MYH11: variants seen among roughly 807,000 people sequenced by gnomAD.
The protein encoded by MYH11 is myosin heavy chain 11.
A neutral mutation model predicts 246.6 loss-of-function variants in MYH11; 80 were observed. The observed-to-expected ratio is 0.32, with a 90% CI of 0.27 to 0.39. The LOEUF (loss-of-function observed/expected upper bound fraction) is 0.39. Among genes scored for constraint, MYH11 ranks in the 10% least tolerant of loss-of-function variants. The pLI, the probability that MYH11 is intolerant of heterozygous loss-of-function variation, is 1.00. For missense variants in MYH11, 2,158 were observed against 2,546.8 expected, an observed-to-expected ratio of 0.85 and a Z score of 3.29; for synonymous variants, 1,071 against 1,015.5, an observed-to-expected ratio of 1.05 and a Z score of -1.04.
At chr16:15,826,137 C>T (rs1480777872) in intron 2 of MYH11, among the ~76,000 whole-genome samples, 2 of 150,402 alleles carry the variant, frequency 1.3e-5, no homozygotes, top group African/African-American at 2.5e-5. Flanking sequence ...AACTACTGAT[C>T]GTTCGTTCAT....
At chr16:15,805,296 A>G (rs532854942) in intron 3 of MYH11, among the ~76,000 whole-genome samples, 2 of 152,320 alleles carry the variant, frequency 1.3e-5, no homozygotes, top group Admixed American at 1.3e-4. Context: ...TAATATAAAC[A>G]TGAGTGTCAC....
At chr16:15,799,094 C>G (rs183607737) in intron 3 of MYH11, among the ~76,000 whole-genome samples, 18 of 152,240 alleles carry the variant, frequency 1.2e-4, no homozygotes, top group African/African-American at 4.1e-4. Flanking sequence ...AACTCCATGC[C>G]TCAGTTCCTT....
chr16:15,774,633 A>C (rs2042178621), intron 8 of MYH11, among the ~76,000 whole-genome samples: 1 of 152,232 alleles, frequency 6.6e-6, no homozygotes, highest in Non-Finnish European at 1.5e-5. Flanking sequence ...TCTATCGCCT[A>C]GGCTGGAGTG....
chr16:15,849,012 T>C (rs2044267350), intron 1 of MYH11, among the ~76,000 whole-genome samples: 1 of 152,140 alleles, frequency 6.6e-6, no homozygotes, highest in African/African-American at 2.4e-5. Flanking sequence ...ATCTCTGAAA[T>C]TACTACCCAG....
intron 9 of MYH11, among the ~76,000 whole-genome samples, chr16:15,768,826 A>G (rs2042037173): frequency 6.7e-6 from 1 of 149,566 alleles, no homozygotes; most frequent in South Asian, 2.1e-4. Context: ...CTGTGGTTAA[A>G]GGGGAAACAA....
intron 40 of MYH11, among the ~76,000 whole-genome samples, chr16:15,704,401 A>C (rs1055503785): frequency 2.0e-5 from 3 of 152,134 alleles, no homozygotes; most frequent in African/African-American, 7.2e-5. Context: ...TCTGCTTTTC[A>C]ATATGTCAGG....
At chr16:15,751,036 C>T (rs923308168) in intron 15 of MYH11, among the ~76,000 whole-genome samples, 2 of 151,828 alleles carry the variant, frequency 1.3e-5, no homozygotes, top group African/African-American at 2.4e-5. Context: ...TAGGTATCCA[C>T]GGAAGAAATA....
intron 2 of MYH11, among the ~76,000 whole-genome samples, chr16:15,826,653 C>T (rs772915984): frequency 6.6e-6 from 1 of 151,788 alleles, no homozygotes; most frequent in Non-Finnish European, 1.5e-5. Flanking sequence ...CACTCAGGGA[C>T]AATGGTATGT....
chr16:15,738,733 C>T, intron 23 of MYH11, 45 bp from the exon 24 acceptor site: 3 of 1,603,682 alleles, frequency 1.9e-6, no homozygotes, highest in South Asian at 1.1e-5. Flanking sequence ...TTTTTCTTTT[C>T]TCTAGAATCT....
chr16:15,821,651 G>A (rs1016880368), intron 3 of MYH11, among the ~76,000 whole-genome samples: 1 of 151,624 alleles, frequency 6.6e-6, no homozygotes, highest in Non-Finnish European at 1.5e-5. Flanking sequence ...GGGTATGGTG[G>A]CTTATGCCTG....
rs1192001129 is a variant in MYH11 at position 15,748,101 on chromosome 16, C to T, written c.2126G>A (p.Arg709His). Residue 709 changes from arginine to histidine, a missense_variant, in exon 17 of 41, where the codon CGC (arginine) becomes CAC (histidine). Transcript: ENST00000300036. ...LRCNGVLEGI[R>H]ICRQGFPNRI... ...GTTGGGGAAGCCCTGCCGGCAGATG[C>T]GAATGCCTTCCAGCACCCCATTGCA... 1 of 1,614,102 alleles carries T rather than the reference C, an allele frequency of 6.2e-7. No homozygotes were observed. Among genetic ancestry groups the T allele is most frequent in the Non-Finnish European group, 8.5e-7 (1 of 1,180,026 alleles).
At position 15,705,984 on chromosome 16, in the gene MYH11, C is replaced by CAAAAAAAAAAAAAAAAA. The variant is rs57451847; in HGVS notation, c.5787-1878_5787-1862dup. Among the ~76,000 whole-genome samples the CAAAAAAAAAAAAAAAAA allele has an allele frequency of 2.8e-3, 158 of 56,744 alleles. 24 individuals are homozygous for CAAAAAAAAAAAAAAAAA. The highest frequency in any genetic ancestry group is 0.012 in the African/African-American group (108 of 8,898). 37.2% of individuals were successfully genotyped at this position (56,744 alleles called of 152,430 possible). A position where few individuals can be genotyped will look rare whatever the true frequency, so the allele number is the denominator to read the frequency against. ...TAGGCGACAGGGTGAGACTCCGTCT[C>CAAAAAAAAAAAAAAAAA]AAAAAAAAAAAAAAAAAAAAATCAA... On this transcript the variant is annotated intron_variant, in intron 40 of 40. Coordinates refer to ENST00000300036, the MANE Select transcript of MYH11 (RefSeq NM_002474.3).
At chr16:15,725,700 G>T (rs1036709866) in intron 28 of MYH11, 2 of 398,704 alleles carry the variant, frequency 5.0e-6, no homozygotes, top group Non-Finnish European at 4.4e-6. Context: ...TTCTTCCCTC[G>T]CCCCTTGGTC....
At chr16:15,770,566 C>A (rs1348526553) in intron 9 of MYH11, among the ~76,000 whole-genome samples, 1 of 152,094 alleles carries the variant, frequency 6.6e-6, no homozygotes, top group Non-Finnish European at 1.5e-5. Context: ...CCAGAGCAAC[C>A]CCTCCAGGAA....
intron 40 of MYH11, 80 bp downstream of exon 40, chr16:15,714,829 G>A (rs2040026319): frequency 1.9e-6 from 3 of 1,555,358 alleles, no homozygotes; most frequent in East Asian, 2.2e-5. Context: ...AGGGGCATTT[G>A]CAGGCCGAAA....
intron 3 of MYH11, among the ~76,000 whole-genome samples, chr16:15,809,352 T>C (rs940165114): frequency 1.3e-5 from 2 of 151,300 alleles, no homozygotes; most frequent in African/African-American, 4.9e-5. Flanking sequence ...GGCAACATAA[T>C]GAGACCTCAT....
chr16:15,720,413 C>A, intron 33 of MYH11, 101 bp from the exon 34 acceptor site: 1 of 1,465,322 alleles, frequency 6.8e-7, no homozygotes, highest in Non-Finnish European at 9.3e-7. Context: ...AGCACAGCCC[C>A]CTTGTGAGGT....
rs1326508199 is a variant in MYH11, at chr16:15,750,680, TA to T, written c.1865-350del. 4.0e-5 allele frequency among the ~76,000 whole-genome samples: 6 copies of T among 150,086 alleles called. No homozygotes were observed. Among genetic ancestry groups the T allele is most frequent in the Admixed American group, 1.3e-4 (2 of 15,000 alleles). On this transcript the variant is annotated intron_variant, in intron 15 of 40. Transcript: ENST00000300036. The surrounding 1 kb of genome is among the most constrained non-coding windows in gnomAD (Gnocchi z 4.3). ...TACCGTCTACCTTCTAGGGCAGGGG[TA>T]AAAAAAAATAAGGCACAGAAGGCAC...
chr16:15,751,117 G>C (rs563850425), intron 15 of MYH11, among the ~76,000 whole-genome samples: 1 of 126,582 alleles, frequency 7.9e-6, no homozygotes, highest in East Asian at 2.3e-4. Context: ...ACAAAAAGTA[G>C]GTATTATTAT....
Sources: gnomAD v4.1 joint callset for allele counts (sites outside exome capture counted in the v4.1 genomes callset) on GRCh38, gnomAD v4.1.1 for gene constraint, Gnocchi (gnomAD v3.1) non-coding constraint, MANE v1.5 for transcripts, NCBI Gene and HGNC (gene_info 2026-07-23, HGNC 2026-07-21) for gene names.